Variants in PLEKHG1 observed in about 807,000 individuals in gnomAD.
PLEKHG1 encodes the protein pleckstrin homology domain-containing family G member 1.
A neutral mutation model predicts 100.8 loss-of-function variants in PLEKHG1; 44 were observed. That is an observed-to-expected ratio of 0.44 (90% CI 0.34 to 0.56). The LOEUF (loss-of-function observed/expected upper bound fraction) is 0.56, where lower values mean the gene tolerates loss of function less well. PLEKHG1 is among the 20% of genes least tolerant of loss of function. The probability of loss-of-function intolerance (pLI) is 0.01; values close to 1 mark genes in which losing one functional copy is unlikely to be tolerated. For missense variants in PLEKHG1, 1,545 were observed against 1,720.9 expected (o/e 0.90, Z 1.81); for synonymous variants, 640 against 662.5 (o/e 0.97, Z 0.52).
intron 15 of PLEKHG1, among the ~76,000 whole-genome samples, chr6:150,832,878 A>G (rs1205107131): frequency 1.3e-5 from 2 of 151,480 alleles, no homozygotes; most frequent in African/African-American, 2.4e-5. Flanking sequence ...GGGTTTCACC[A>G]TGTTGCCCAG....
chr6:150,779,270 G>C (rs1402036356), intron 3 of PLEKHG1, among the ~76,000 whole-genome samples: 1 of 151,168 alleles, frequency 6.6e-6, no homozygotes, highest in Non-Finnish European at 1.5e-5. Context: ...AAGTCCACTC[G>C]TGAGATGAAA....
intron 13 of PLEKHG1, among the ~76,000 whole-genome samples, chr6:150,822,174 A>C (rs952307921): frequency 2.0e-5 from 3 of 150,128 alleles, no homozygotes; most frequent in Admixed American, 6.6e-5. Flanking sequence ...AAAAAAAAAA[A>C]AAAAGAATAG....
At chr6:150,620,523 C>T (rs1039631576) in intron 1 of PLEKHG1, among the ~76,000 whole-genome samples, 5 of 152,224 alleles carry the variant, frequency 3.3e-5, no homozygotes, top group Non-Finnish European at 5.9e-5. Flanking sequence ...CTATGGCCAT[C>T]GGGCCCTCCA....
At chr6:150,749,408 G>A (rs1028300906) in intron 2 of PLEKHG1, among the ~76,000 whole-genome samples, 2 of 152,120 alleles carry the variant, frequency 1.3e-5, no homozygotes, top group Non-Finnish European at 2.9e-5. Flanking sequence ...TGAGACAGAG[G>A]GAAATCTGAG....
chr6:150,821,393 T>C (rs1776288164), intron 13 of PLEKHG1, among the ~76,000 whole-genome samples, 160 bp downstream of exon 14: 1 of 152,146 alleles, frequency 6.6e-6, no homozygotes, highest in Non-Finnish European at 1.5e-5. Context: ...TTATAAAATA[T>C]ATAGTCAAAG....
At chr6:150,628,577 C>CACACACACA (rs3046186) in intron 1 of PLEKHG1, among the ~76,000 whole-genome samples, 32 of 147,380 alleles carry the variant, frequency 2.2e-4, no homozygotes, top group South Asian at 1.1e-3. Flanking sequence ...CACACACACA[C>CACACACACA]CCCGTCCTTG....
At chr6:150,843,362 A>G (rs893485015) in exon 16 of PLEKHG1, 2 of 152,118 alleles carry the variant, frequency 1.3e-5, no homozygotes, top group Non-Finnish European at 2.9e-5. Context: ...GTGTATATAT[A>G]TATAATCATG....
At chr6:150,782,057 T>C (rs990091053) in intron 3 of PLEKHG1, among the ~76,000 whole-genome samples, 4 of 151,296 alleles carry the variant, frequency 2.6e-5, no homozygotes, top group South Asian at 4.2e-4. Context: ...GGATTACAGG[T>C]GTGAACCACC....
At chr6:150,707,551 A>C (rs1781075757) in intron 3 of PLEKHG1, among the ~76,000 whole-genome samples, 1 of 152,146 alleles carries the variant, frequency 6.6e-6, no homozygotes, top group Non-Finnish European at 1.5e-5. Context: ...AGCCAGGGTG[A>C]CGTGAGCAAG....
At chr6:150,824,095 G>C (rs1003226866) in intron 14 of PLEKHG1, among the ~76,000 whole-genome samples, 2 of 152,290 alleles carry the variant, frequency 1.3e-5, no homozygotes, top group East Asian at 3.9e-4. Context: ...AAGGGCGAGG[G>C]GCCCCCTTCT....
chr6:150,803,463 A>G (rs972788601), intron 6 of PLEKHG1, among the ~76,000 whole-genome samples: 1 of 152,216 alleles, frequency 6.6e-6, no homozygotes, highest in Non-Finnish European at 1.5e-5. Context: ...AATCAAAGGA[A>G]CTATATACAA....
rs1373419204 is a variant in PLEKHG1 at position 150,603,083 on chromosome 6, AAAAAAAAAAAT to A, written c.-204+3076_-204+3086del. Among the ~76,000 whole-genome samples, 22 of 141,890 alleles carry A rather than the reference AAAAAAAAAAAT, an allele frequency of 1.6e-4. 2 individuals are homozygous for A. The allele number at this position is 141,890 out of a possible 152,430, so 93.1% of individuals were successfully genotyped here. On this transcript the variant is annotated intron_variant, in intron 1 of 3. Coordinates refer to the PLEKHG1 transcript ENST00000367326. The stretch of plus-strand genomic sequence containing the variant: ...GGCGACAGCGAGACTCCGTCTCAAA[AAAAAAAAAAAT>A]AAAAAAAAAGAAAAGAAAAAATTAT...
At chr6:150,742,630 C>T (rs1003972757) in intron 2 of PLEKHG1, among the ~76,000 whole-genome samples, 5 of 149,206 alleles carry the variant, frequency 3.4e-5, no homozygotes, top group African/African-American at 4.9e-5. Context: ...CCAGATCTTA[C>T]GAGAGCTCAC....
chr6:150,840,308 C>A (rs1777457108), exon 16 of PLEKHG1: 2 of 1,614,066 alleles, frequency 1.2e-6, no homozygotes, highest in Non-Finnish European at 1.7e-6. Flanking sequence ...TCTTGATCAA[C>A]AAATCAATGG....
At chr6:150,745,340 G>A (rs182048486) in intron 2 of PLEKHG1, among the ~76,000 whole-genome samples, 3 of 152,266 alleles carry the variant, frequency 2.0e-5, no homozygotes, top group Non-Finnish European at 2.9e-5. Context: ...CCAAAACGTC[G>A]TTTTGTGGTG....
intron 3 of PLEKHG1, among the ~76,000 whole-genome samples, chr6:150,692,499 G>T (rs1229311049): frequency 6.6e-6 from 1 of 152,172 alleles, no homozygotes; most frequent in Non-Finnish European, 1.5e-5. Flanking sequence ...CTAATGGCAT[G>T]CTGGAAAGAA....
At chr6:150,723,290 G>A (rs189347725) in intron 1 of PLEKHG1, among the ~76,000 whole-genome samples, 1 of 152,310 alleles carries the variant, frequency 6.6e-6, no homozygotes, top group Non-Finnish European at 1.5e-5. Flanking sequence ...GACCAAAAGG[G>A]AGTATTAGGA....
exon 15 of PLEKHG1, chr6:150,832,189 A>G (rs777361557): frequency 6.3e-7 from 1 of 1,597,166 alleles, no homozygotes; most frequent in Non-Finnish European, 8.5e-7. Context: ...AGAAGAAGCA[A>G]GGAGGGCCCG....
At chr6:150,805,684 C>T (rs1034567350) in intron 7 of PLEKHG1, among the ~76,000 whole-genome samples, 6 of 152,122 alleles carry the variant, frequency 3.9e-5, no homozygotes, top group South Asian at 2.1e-4. Context: ...CATACCACCA[C>T]GCCCGGCTCA....
Sources: allele counts gnomAD v4.1 joint callset (sites outside exome capture counted in the v4.1 genomes callset), GRCh38; gene constraint gnomAD v4.1.1; transcripts MANE v1.5; gene names NCBI Gene and HGNC (gene_info 2026-07-23, HGNC 2026-07-21).